Variants in CIMAP1C observed in about 807,000 individuals in gnomAD.
The protein encoded by CIMAP1C is ciliary microtubule associated protein 1C, also known as outer dense fiber of sperm tails 3 like 1.
chr15:75,724,445 C>T, the CIMAP1C span: 27 of 696,742 alleles, frequency 3.9e-5, 1 homozygote, highest in South Asian at 4.5e-4. Context: ...TCCAAGCTGA[C>T]CCTCACAGGC....
the CIMAP1C span, chr15:75,727,215 TG>T: frequency 6.2e-7 from 1 of 1,614,144 alleles, no homozygotes. Flanking sequence ...CCACTCTTGC[TG>T]GGGCCCAACA....
the CIMAP1C span, chr15:75,724,118 G>A: frequency 1.2e-6 from 1 of 862,930 alleles, no homozygotes; most frequent in Non-Finnish European, 1.9e-6. Context: ...GGATGGGGGG[G>A]TCTCAGGCAG....
At chr15:75,726,358 T>C in the CIMAP1C span, among the ~76,000 whole-genome samples, 2 of 152,174 alleles carry the variant, frequency 1.3e-5, no homozygotes, top group Non-Finnish European at 2.9e-5. Context: ...TGTTATGACA[T>C]GCAGCATGTC....
chr15:75,727,327 C>G, the CIMAP1C span: 1 of 1,614,136 alleles, frequency 6.2e-7, no homozygotes, highest in Non-Finnish European at 8.5e-7. Flanking sequence ...CTACCACGTA[C>G]GCCCGACCTG....
At chr15:75,725,020 C>T in the CIMAP1C span, 1 of 829,044 alleles carries the variant, frequency 1.2e-6, no homozygotes, top group South Asian at 1.4e-5. Context: ...CAAATACCCC[C>T]AATGTTCCCA....
At chr15:75,727,352 C>G in the CIMAP1C span, 1 of 1,614,122 alleles carries the variant, frequency 6.2e-7, no homozygotes, top group Non-Finnish European at 8.5e-7. Context: ...ATCCATCTAT[C>G]AGAACCGCAG....
At chr15:75,727,177 C>T in the CIMAP1C span, 5 of 1,614,148 alleles carry the variant, frequency 3.1e-6, no homozygotes, top group South Asian at 3.3e-5. Context: ...TGATGGACCT[C>T]AACCCGGCTC....
At chr15:75,726,001 G>A in the CIMAP1C span, 4 of 1,166,530 alleles carry the variant, frequency 3.4e-6, no homozygotes, top group African/African-American at 3.0e-5. Flanking sequence ...GGCAGGCCAG[G>A]TGCTCAGTGG....
chr15:75,725,311 G>C, the CIMAP1C span: 2 of 1,035,428 alleles, frequency 1.9e-6, no homozygotes, highest in South Asian at 2.7e-5. Context: ...TAGCCACTGG[G>C]AATCTGAGAC....
At chr15:75,724,235 C>T in the CIMAP1C span, 7 of 1,614,040 alleles carry the variant, frequency 4.3e-6, no homozygotes, top group African/African-American at 5.3e-5. Context: ...GCTCTGTGTA[C>T]TTTGCACAGC....
At chr15:75,724,737 G>A in the CIMAP1C span, among the ~76,000 whole-genome samples, 2 of 152,208 alleles carry the variant, frequency 1.3e-5, no homozygotes, top group African/African-American at 4.8e-5. Context: ...GTGATATGTG[G>A]GTAGATATTT....
At chr15:75,724,341 C>T in the CIMAP1C span, 1 of 1,500,096 alleles carries the variant, frequency 6.7e-7, no homozygotes, top group Non-Finnish European at 9.3e-7. Flanking sequence ...CCACCCTGGG[C>T]TTGGGCCCCC....
the CIMAP1C span, chr15:75,727,239 G>C: frequency 6.2e-7 from 1 of 1,614,106 alleles, no homozygotes; most frequent in South Asian, 1.1e-5. Flanking sequence ...CCTGTCAGCC[G>C]AGCTGCTCCC....
At chr15:75,725,217 G>GC in the CIMAP1C span, 1 of 1,606,210 alleles carries the variant, frequency 6.2e-7, no homozygotes, top group Non-Finnish European at 8.5e-7. Context: ...ACTCAGAGAA[G>GC]CGTGAGCGTT....
the CIMAP1C span, among the ~76,000 whole-genome samples, chr15:75,726,360 C>T: frequency 2.4e-4 from 36 of 152,160 alleles, no homozygotes; most frequent in Non-Finnish European, 5.0e-4. Context: ...TTATGACATG[C>T]AGCATGTCAC....
chr15:75,727,437 A>C, the CIMAP1C span: 5 of 1,613,960 alleles, frequency 3.1e-6, no homozygotes, highest in Non-Finnish European at 3.4e-6. Flanking sequence ...GGCTCCCACG[A>C]GGTCCAGCAG....
the CIMAP1C span, chr15:75,727,537 C>G: frequency 6.4e-7 from 1 of 1,574,636 alleles, no homozygotes; most frequent in Non-Finnish European, 8.6e-7. Flanking sequence ...ACATTCGTGA[C>G]TGAGGCCCCT....
At chr15:75,725,973 A>G in the CIMAP1C span, 2 of 780,858 alleles carry the variant, frequency 2.6e-6, no homozygotes, top group African/African-American at 1.7e-5. Flanking sequence ...CTGAAGTGGG[A>G]GGGAGATCTT....
At chr15:75,726,193 A>ACTTT in the CIMAP1C span, 1 of 607,268 alleles carries the variant, frequency 1.6e-6, no homozygotes, top group Non-Finnish European at 3.1e-6. Context: ...TTATGGACAG[A>ACTTT]TGTTGGGGGT....
Sources: gnomAD v4.1 joint callset for allele counts (sites outside exome capture counted in the v4.1 genomes callset) on GRCh38, gnomAD v4.1.1 for gene constraint, MANE v1.5 for transcripts, NCBI Gene and HGNC (gene_info 2026-07-23, HGNC 2026-07-21) for gene names.